Variants in SLCO1B3 observed in about 807,000 individuals in gnomAD.
SLCO1B3 encodes the protein liver-specific organic anion transporter 2.
In SLCO1B3, 72 loss-of-function variants were observed where a neutral mutation model predicts 71.8. The observed-to-expected ratio is 1.00, with a 90% confidence interval of 0.83 to 1.22. The LOEUF (loss-of-function observed/expected upper bound fraction) is 1.22. SLCO1B3 is among the 50% of genes most tolerant of loss of function. SLCO1B3 has a pLI of 0.00. For missense variants in SLCO1B3, 911 were observed against 819.7 expected (o/e 1.11, Z -1.36); for synonymous variants, 298 against 278.4 (o/e 1.07, Z -0.70).
intron 13 of SLCO1B3, among the ~76,000 whole-genome samples, chr12:20,891,251 G>A (rs1310995958): frequency 6.6e-6 from 1 of 151,794 alleles, no homozygotes; most frequent in Non-Finnish European, 1.5e-5. Flanking sequence ...TATTTGGGAA[G>A]TACTACTTTT....
chr12:20,844,157 G>GTA (rs1255841868), intron 3 of SLCO1B3, among the ~76,000 whole-genome samples: 1 of 151,702 alleles, frequency 6.6e-6, no homozygotes, highest in Non-Finnish European at 1.5e-5. Context: ...GTGTGTGTGT[G>GTA]TATATATACA....
chr12:20,824,126 A>C (rs1565578255), intron 3 of SLCO1B3, among the ~76,000 whole-genome samples: 2 of 152,250 alleles, frequency 1.3e-5, no homozygotes, highest in African/African-American at 4.8e-5. Context: ...TTTTGCTCAT[A>C]AGAACAAATT....
rs1206902226 is a variant in SLCO1B3, at chr12:20,881,049, CTCCTT to C, written c.1497+30_1497+34del. ...AGTATTAGTTTTCACTTTTTCTCCTCTCCTTAATCAAAATCACAGATTTGATTTAA... is the reference window on the plus strand; with the variant it reads ...AGTATTAGTTTTCACTTTTTCTCCTCAATCAAAATCACAGATTTGATTTAA... On this transcript the variant is annotated intron_variant, in intron 12 of 15. Transcript: ENST00000381545. The C allele has an allele frequency of 4.7e-6, 7 of 1,484,296 alleles. No individual in the cohort carries two copies. The Admixed American group carries it at 1.0e-4, about 22-fold the overall frequency. 91.9% of individuals were successfully genotyped at this position (1,484,296 alleles called of 1,614,324 possible). A position where few individuals can be genotyped will look rare whatever the true frequency, so the allele number is the denominator to read the frequency against.
intron 3 of SLCO1B3, among the ~76,000 whole-genome samples, chr12:20,839,054 C>T (rs1374428414): frequency 1.3e-5 from 2 of 151,982 alleles, no homozygotes; most frequent in Non-Finnish European, 2.9e-5. Flanking sequence ...CATACTGCTT[C>T]ATGGGTAGTG....
In SLCO1B3 at chr12:20,812,159, G is replaced by A. The variant is rs142473159; in HGVS notation, c.-180-1365G>A. ...CAACCTCAGGTGATCTGCCCGCCTC[G>A]GCCTCCCAAAGTGCTGGGATTACAG... On this transcript the variant is annotated intron_variant, in intron 1 of 15. Coordinates refer to ENST00000381545, the MANE Select transcript of SLCO1B3 (RefSeq NM_019844.4). Among the ~76,000 whole-genome samples the A allele has an allele frequency of 3.3e-3, 505 of 151,954 alleles. 1 individual carries two copies. The highest frequency in any genetic ancestry group is 5.6e-3 in the Non-Finnish European group (378 of 67,956).
chr12:20,873,241 G>A (rs2121286903), intron 8 of SLCO1B3, among the ~76,000 whole-genome samples: 1 of 152,252 alleles, frequency 6.6e-6, no homozygotes, highest in East Asian at 1.9e-4. Context: ...CTAAAGACAA[G>A]GAAGACAAAA....
intron 15 of SLCO1B3, among the ~76,000 whole-genome samples, chr12:20,909,620 G>T (rs1182159030): frequency 1.3e-5 from 2 of 152,050 alleles, no homozygotes; most frequent in Non-Finnish European, 2.9e-5. Flanking sequence ...TATTGAATAT[G>T]CCTTTTGAAA....
intron 15 of SLCO1B3, among the ~76,000 whole-genome samples, chr12:20,913,573 T>C (rs1161694745): frequency 1.3e-5 from 2 of 152,194 alleles, no homozygotes; most frequent in African/African-American, 2.4e-5. Context: ...TTTCCTTGCT[T>C]TGAAGTCTGC....
intron 10 of SLCO1B3, among the ~76,000 whole-genome samples, chr12:20,879,024 A>G (rs997936889): frequency 2.6e-5 from 4 of 151,986 alleles, no homozygotes; most frequent in Non-Finnish European, 4.4e-5. Context: ...TTTGTTGTTG[A>G]TTGCCAGAAA....
chr12:20,878,879 A>G (rs187542775), intron 10 of SLCO1B3, among the ~76,000 whole-genome samples: 4 of 138,270 alleles, frequency 2.9e-5, no homozygotes, highest in Admixed American at 2.4e-4. Context: ...TAATAAAGAG[A>G]TATTAATTCA....
chr12:20,895,794 C>T (rs114759899), intron 13 of SLCO1B3, among the ~76,000 whole-genome samples: 4,654 of 152,314 alleles, frequency 0.031, 112 homozygotes, highest in African/African-American at 0.065. Flanking sequence ...TGACATTTTC[C>T]GTTCATACTG....
chr12:20,857,272 C>G (rs1258115995), intron 4 of SLCO1B3, among the ~76,000 whole-genome samples: 1 of 152,030 alleles, frequency 6.6e-6, no homozygotes, highest in Non-Finnish European at 1.5e-5. Context: ...GCTGGACAAA[C>G]GTAGGAACTT....
At chr12:20,855,245 C>A in intron 4 of SLCO1B3, 76 bp downstream of exon 4, 2 of 1,266,706 alleles carry the variant, frequency 1.6e-6, no homozygotes, top group Admixed American at 2.1e-5. Flanking sequence ...TGCTTTATAT[C>A]ACTGGGTCTG....
chr12:20,857,601 G>C (rs922996365), intron 4 of SLCO1B3, among the ~76,000 whole-genome samples: 9 of 151,778 alleles, frequency 5.9e-5, no homozygotes, highest in Non-Finnish European at 1.2e-4. Context: ...TTCTATGGCT[G>C]CAACATGCCA....
intron 3 of SLCO1B3, among the ~76,000 whole-genome samples, chr12:20,822,718 C>T (rs529282611): frequency 1.2e-4 from 18 of 151,868 alleles, no homozygotes; most frequent in African/African-American, 3.6e-4. Context: ...CTCAGTAAAT[C>T]GGCACTTTAC....
At chr12:20,828,271 T>C (rs1178904844) in intron 3 of SLCO1B3, among the ~76,000 whole-genome samples, 1 of 141,514 alleles carries the variant, frequency 7.1e-6, no homozygotes, top group African/African-American at 2.7e-5. Flanking sequence ...TAAACACCCA[T>C]GAATAGCACC....
intron 2 of SLCO1B3, among the ~76,000 whole-genome samples, chr12:20,814,748 G>A (rs2417946): frequency 0.65 from 99,008 of 151,658 alleles, 32,776 homozygotes; most frequent in East Asian, 0.82. Flanking sequence ...ACAATTAGCC[G>A]GGCGTTGTGG....
intron 1 of SLCO1B3, among the ~76,000 whole-genome samples, chr12:20,813,290 T>C (rs1263052304): frequency 1.3e-5 from 2 of 152,206 alleles, no homozygotes; most frequent in African/African-American, 4.8e-5. Flanking sequence ...GCAGTAGATC[T>C]TCATTATTCA....
At chr12:20,850,738 A>G (rs1238777249) in intron 3 of SLCO1B3, among the ~76,000 whole-genome samples, 3 of 152,126 alleles carry the variant, frequency 2.0e-5, no homozygotes, top group African/African-American at 4.8e-5. Flanking sequence ...GTTCACACTT[A>G]TAAGTGAGAA....
Sources: gnomAD v4.1 joint callset for allele counts (sites outside exome capture counted in the v4.1 genomes callset) on GRCh38, gnomAD v4.1.1 for gene constraint, MANE v1.5 for transcripts, NCBI Gene and HGNC (gene_info 2026-07-23, HGNC 2026-07-21) for gene names.